Variants in TRPV5 observed in about 807,000 individuals in gnomAD.
TRPV5 encodes transient receptor potential cation channel subfamily V member 5, also known as calcium transport protein 2.
Under a neutral mutation model 74.1 loss-of-function variants are expected in TRPV5, and 66 were observed. The observed-to-expected ratio is 0.89, with a 90% CI of 0.73 to 1.09. The LOEUF (loss-of-function observed/expected upper bound fraction) is 1.09. Ranked by LOEUF, TRPV5 falls within the 50% of genes least tolerant of loss-of-function variation. The probability of loss-of-function intolerance (pLI) is 0.00; values close to 1 mark genes in which losing one functional copy is unlikely to be tolerated. For missense variants in TRPV5, 936 were observed against 930.4 expected (o/e 1.01, Z -0.08); for synonymous variants, 399 against 360.7 (o/e 1.11, Z -1.20).
At chr7:142,920,547 C>G (rs998700211) in intron 8 of TRPV5, among the ~76,000 whole-genome samples, 1 of 152,166 alleles carries the variant, frequency 6.6e-6, no homozygotes, top group African/African-American at 2.4e-5. Flanking sequence ...ATAGAGAAGA[C>G]TGGGACCTAG....
chr7:142,909,664 C>A (rs1324305018), intron 13 of TRPV5, 68 bp from the exon 14 acceptor site: 1 of 1,541,298 alleles, frequency 6.5e-7, no homozygotes, highest in Non-Finnish European at 8.8e-7. Flanking sequence ...GCACTGAGGC[C>A]ACTGATAAAG....
chr7:142,930,167 C>T lies in TRPV5; in HGVS notation c.240G>A (p.Glu80=). The T allele has an allele frequency of 1.2e-6, 2 of 1,613,240 alleles. No homozygotes were observed. Among genetic ancestry groups the T allele is most frequent in the Non-Finnish European group, 1.7e-6 (2 of 1,179,798 alleles). ...AGAGGGCTGCTATGTGCAGCGCCGT[C>T]TCCCCCAGGGCTCCTGGATTGGAGT... ...CDVRQRGALG[E]TALHIAALYD... The change falls in exon 3 of 15, where the codon GAG becomes GAA. Residue 80 remains glutamate (E), a synonymous_variant. Coordinates refer to ENST00000265310, the MANE Select transcript of TRPV5 (RefSeq NM_019841.7).
chr7:142,919,306 C>T (rs1318081040), intron 8 of TRPV5, among the ~76,000 whole-genome samples: 1 of 152,128 alleles, frequency 6.6e-6, no homozygotes, highest in Non-Finnish European at 1.5e-5. Flanking sequence ...CACAAATGCA[C>T]ACAATGTGGT....
chr7:142,908,325 C>T lies in TRPV5; in HGVS notation c.*189G>A. On this transcript the variant is annotated 3_prime_UTR_variant, in exon 15 of 15. Transcript: ENST00000265310. The stretch of plus-strand genomic sequence containing the variant: ...GAGCCCAGAAAATACGTGAGACAAT[C>T]GATGACCATTGCCCATTGCCAGAAA... 4.6e-6 allele frequency: 3 copies of T among 655,078 alleles called. No individual in the cohort carries two copies. Among genetic ancestry groups the T allele is most frequent in the African/African-American group, 1.8e-5 (1 of 54,958 alleles). 40.6% of individuals were successfully genotyped at this position (655,078 alleles called of 1,614,324 possible). A position where few individuals can be genotyped will look rare whatever the true frequency, so the allele number is the denominator to read the frequency against.
In TRPV5 at chr7:142,929,073, C is replaced by T. The variant is rs373756563; in HGVS notation, c.535G>A (p.Val179Met). 5.6e-5 allele frequency: 90 copies of T among 1,613,988 alleles called. No homozygotes were observed. The highest frequency in any genetic ancestry group is 6.9e-5 in the Non-Finnish European group (82 of 1,180,024). ...GCTCCATGCTCAATGAGCAGCCGCACGATCTCCTCGCTGTTCACACAGGCA... is the reference window on the plus strand; with the variant it reads ...GCTCCATGCTCAATGAGCAGCCGCATGATCTCCTCGCTGTTCACACAGGCA... ...FAACVNSEEI[V>M]RLLIEHGADI... The change falls in exon 5 of 15, where the codon GTG becomes ATG. Residue 179 changes from valine to methionine, a missense_variant. Physicochemically the swap from Val to Met is conservative, Grantham distance 21. Transcript: ENST00000265310.
chr7:142,928,060 C>G (rs1487104841), intron 7 of TRPV5, 28 bp downstream of exon 7: 1 of 1,613,710 alleles, frequency 6.2e-7, no homozygotes, highest in Non-Finnish European at 8.5e-7. Flanking sequence ...CCTCACATGA[C>G]AGGCCTGATC....
chr7:142,921,114 C>T (rs527538112), intron 8 of TRPV5, among the ~76,000 whole-genome samples: 9 of 152,050 alleles, frequency 5.9e-5, no homozygotes, highest in East Asian at 1.9e-4. Context: ...TCAGAACTTA[C>T]GAGGGATGAT....
At chr7:142,913,245 G>A (rs1459457639) in intron 12 of TRPV5, among the ~76,000 whole-genome samples, 1 of 152,096 alleles carries the variant, frequency 6.6e-6, no homozygotes, top group Non-Finnish European at 1.5e-5. Context: ...GACCTTCCCT[G>A]AGTGAACCTG....
chr7:142,918,248 AT>A (rs1795829654), intron 8 of TRPV5, among the ~76,000 whole-genome samples: 1 of 152,114 alleles, frequency 6.6e-6, no homozygotes, highest in Admixed American at 6.5e-5. Context: ...TGAGATGCTG[AT>A]TCACAACTCT....
chr7:142,932,497 C>A (rs546715119), intron 1 of TRPV5, among the ~76,000 whole-genome samples: 2 of 152,326 alleles, frequency 1.3e-5, no homozygotes, highest in South Asian at 2.1e-4. Context: ...GGGCATTGAA[C>A]AAAGCACAGG....
intron 13 of TRPV5, among the ~76,000 whole-genome samples, chr7:142,911,705 C>T (rs1795705961): frequency 6.6e-6 from 1 of 152,166 alleles, no homozygotes; most frequent in African/African-American, 2.4e-5. Context: ...ATGTCCCTAG[C>T]TCCTAGGCAT....
rs4252463 is a variant in TRPV5 at position 142,919,916 on chromosome 7, C to G, written c.1123-4348G>C. 5.9e-5 allele frequency among the ~76,000 whole-genome samples: 9 copies of G among 152,268 alleles called. No individual in the cohort carries two copies. The South Asian group carries it at 6.2e-4, about 11-fold the overall frequency. ...AGCCCAGCTCTAGACCTTTTTCCCCCCCATGATCCCAGACTTGCAAAGGAA... is the reference window on the plus strand; with the variant it reads ...AGCCCAGCTCTAGACCTTTTTCCCCGCCATGATCCCAGACTTGCAAAGGAA... On this transcript the variant is annotated intron_variant, in intron 8 of 14. Coordinates refer to ENST00000265310, the MANE Select transcript of TRPV5 (RefSeq NM_019841.7).
In TRPV5 at chr7:142,928,772, G is replaced by C. The variant is rs149978013; in HGVS notation, c.681C>G (p.Asp227Glu). The change falls in exon 6 of 15, where the codon GAC (aspartate) becomes GAG (glutamate). Residue 227 changes from aspartate to glutamate, a missense_variant. Transcript: ENST00000265310. The part of the protein sequence containing the change: ...NLLLSYDGHG[D>E]HLQPLDLVPN... Reference sequence around the variant, plus strand: ...GCACAAGGTCCAGGGGCTGCAGGTGGTCCCCATGTCCATCATAGGACAGCA... The same window carrying C: ...GCACAAGGTCCAGGGGCTGCAGGTGCTCCCCATGTCCATCATAGGACAGCA... The C allele has an allele frequency of 1.2e-6, 2 of 1,614,060 alleles. No individual in the cohort carries two copies. Among genetic ancestry groups the C allele is most frequent in the African/African-American group, 1.3e-5 (1 of 74,924 alleles).
chr7:142,930,032 CTT>C, intron 3 of TRPV5, 24 bp downstream of exon 3: 1 of 1,613,504 alleles, frequency 6.2e-7, no homozygotes, highest in Non-Finnish European at 8.5e-7. Context: ...AAGTTTCCAC[CTT>C]GAATTACCAT....
At chr7:142,912,065 G>C (rs914110037) in intron 13 of TRPV5, among the ~76,000 whole-genome samples, 3 of 152,184 alleles carry the variant, frequency 2.0e-5, no homozygotes, top group African/African-American at 4.8e-5. Flanking sequence ...AGGTCAACTT[G>C]AGGGCCATTG....
chr7:142,912,864 C>CTATCTATCTATCTATCTA (rs1795725366), intron 12 of TRPV5, 114 bp from the exon 13 acceptor site: 2 of 1,033,550 alleles, frequency 1.9e-6, no homozygotes, highest in African/African-American at 1.6e-5. Flanking sequence ...ATCTATCTAT[C>CTATCTATCTATCTATCTA]TATCTATCTA....
intron 8 of TRPV5, among the ~76,000 whole-genome samples, chr7:142,922,430 G>A (rs148840439): frequency 2.6e-5 from 4 of 152,334 alleles, no homozygotes; most frequent in African/African-American, 9.6e-5. Flanking sequence ...GAAAGGCAGA[G>A]CTGCACTTAC....
intron 13 of TRPV5, among the ~76,000 whole-genome samples, chr7:142,911,736 C>T (rs1408778429): frequency 6.6e-6 from 1 of 152,014 alleles, no homozygotes; most frequent in Non-Finnish European, 1.5e-5. Context: ...ATAGCAGGGT[C>T]TAAATGATCA....
At chr7:142,909,698 T>C in intron 13 of TRPV5, 102 bp from the exon 14 acceptor site, 1 of 1,258,486 alleles carries the variant, frequency 7.9e-7, no homozygotes, top group South Asian at 1.3e-5. Flanking sequence ...ATCTGTGAGA[T>C]AGGACACTAG....
Sources: gnomAD v4.1 joint callset for allele counts (sites outside exome capture counted in the v4.1 genomes callset) on GRCh38, gnomAD v4.1.1 for gene constraint, MANE v1.5 for transcripts, NCBI Gene and HGNC (gene_info 2026-07-23, HGNC 2026-07-21) for gene names.